ATP2B2: variants seen among roughly 807,000 people sequenced by gnomAD.
ATP2B2 encodes ATPase plasma membrane Ca2+ transporting 2, also known as plasma membrane calcium-transporting ATPase 2.
A neutral mutation model predicts 120.0 loss-of-function variants in ATP2B2; 15 were observed. The ratio of observed to expected loss-of-function variants is 0.12; its 90% CI spans 0.08 to 0.19. The LOEUF (loss-of-function observed/expected upper bound fraction) is 0.19. ATP2B2 is among the 10% of genes least tolerant of loss of function. The pLI, the probability that ATP2B2 is intolerant of heterozygous loss-of-function variation, is 1.00. For missense variants in ATP2B2, 1,045 were observed against 1,719.8 expected (o/e 0.61, Z 6.94); for synonymous variants, 694 against 700.3 (o/e 0.99, Z 0.14).
In ATP2B2 at chr3:10,329,178, T is replaced by C. The variant is rs1392946356; in HGVS notation, c.3421-53A>G. 8.0e-7 allele frequency: 1 copy of C among 1,243,594 alleles called. No homozygotes were observed. Among genetic ancestry groups the C allele is most frequent in the Non-Finnish European group, 1.1e-6 (1 of 894,934 alleles). The allele number at this position is 1,243,594 out of a possible 1,614,324, so 77.0% of individuals were successfully genotyped here. A position where few individuals can be genotyped will look rare whatever the true frequency, so the allele number is the denominator to read the frequency against. On this transcript the variant is annotated intron_variant, in intron 22 of 22. Coordinates refer to ENST00000360273, the MANE Select transcript of ATP2B2 (RefSeq NM_001001331.4). This position sits in a 1 kb window ranked among gnomAD's most constrained non-coding sequence, Gnocchi z 5.9. ...CACTGCCCAGGGACCACAGCCAGGC[T>C]CGGGGGGCTCACAGGAGGGGCGGGT...
At chr3:10,440,021 G>A (rs1421665945) in intron 2 of ATP2B2, among the ~76,000 whole-genome samples, 1 of 146,230 alleles carries the variant, frequency 6.8e-6, no homozygotes, top group Non-Finnish European at 1.5e-5. Context: ...GAGGATCACT[G>A]AGCCCAGGAG....
chr3:10,605,532 G>A (rs768376075), intron 2 of ATP2B2, among the ~76,000 whole-genome samples: 36 of 152,134 alleles, frequency 2.4e-4, no homozygotes, highest in Non-Finnish European at 4.0e-4. Flanking sequence ...CAGAGCTGGG[G>A]CTCCTTAGCT....
intron 1 of ATP2B2, among the ~76,000 whole-genome samples, chr3:10,488,267 AT>A: frequency 2.7e-5 from 4 of 145,634 alleles, no homozygotes; most frequent in Admixed American, 6.8e-5. Context: ...CCATCCATCC[AT>A]CCATCCATGC....
intron 1 of ATP2B2, among the ~76,000 whole-genome samples, chr3:10,476,887 C>A (rs1339699692): frequency 6.6e-6 from 1 of 152,192 alleles, no homozygotes; most frequent in Admixed American, 6.5e-5. Context: ...CTATGCCACA[C>A]CCTGGGGGTG....
At chr3:10,534,908 T>C (rs1210559412) in intron 2 of ATP2B2, among the ~76,000 whole-genome samples, 1 of 139,348 alleles carries the variant, frequency 7.2e-6, no homozygotes, top group Non-Finnish European at 1.6e-5. Flanking sequence ...GTTTTTTTTT[T>C]TTTTTTTTTT....
chr3:10,488,904 G>T (rs1320683210), intron 1 of ATP2B2, among the ~76,000 whole-genome samples: 1 of 152,042 alleles, frequency 6.6e-6, no homozygotes, highest in African/African-American at 2.4e-5. Flanking sequence ...GGCTCCTGTT[G>T]CTCCTGTCAT....
rs536173505 is a variant in ATP2B2 at position 10,596,068 on chromosome 3, C to T, written c.-415+23849G>A. Among the ~76,000 whole-genome samples the T allele has an allele frequency of 8.0e-4, 122 of 152,278 alleles. 1 individual carries two copies. The highest frequency in any genetic ancestry group is 2.7e-3 in the South Asian group (13 of 4,822). On this transcript the variant is annotated intron_variant, in intron 2 of 21. Transcript: ENST00000646379. ...CACTCAGCTCTCAGCTCAAAGGTCC[C>T]CTCTGCAGAGAGGCCCTCCCTGACT...
intron 2 of ATP2B2, among the ~76,000 whole-genome samples, chr3:10,564,301 C>T (rs773858247): frequency 6.6e-6 from 1 of 152,178 alleles, no homozygotes; most frequent in Non-Finnish European, 1.5e-5. Context: ...GCAACCAATT[C>T]CCTGCATTAA....
intron 2 of ATP2B2, among the ~76,000 whole-genome samples, chr3:10,418,453 G>C (rs1185398088): frequency 1.3e-5 from 2 of 152,168 alleles, no homozygotes; most frequent in African/African-American, 4.8e-5. Context: ...GCAGGGCAGG[G>C]TTCTGCTCTT....
intron 3 of ATP2B2, among the ~76,000 whole-genome samples, chr3:10,526,266 A>T (rs1025929622): frequency 2.6e-5 from 4 of 152,130 alleles, no homozygotes; most frequent in Admixed American, 2.6e-4. Flanking sequence ...AAGCCTGCAA[A>T]GACGGTGTGT....
chr3:10,568,881 C>T (rs1559463123), intron 2 of ATP2B2, among the ~76,000 whole-genome samples: 1 of 152,192 alleles, frequency 6.6e-6, no homozygotes, highest in Non-Finnish European at 1.5e-5. Context: ...GTTTGAACAA[C>T]AGACAGGCAA....
intron 3 of ATP2B2, among the ~76,000 whole-genome samples, chr3:10,512,462 G>A (rs1390296865): frequency 1.8e-5 from 1 of 55,834 alleles, no homozygotes; most frequent in South Asian, 7.3e-4. Flanking sequence ...TAAAGTGTGT[G>A]CGCACACACA....
In ATP2B2 at chr3:10,342,657, G is replaced by A; in HGVS notation, c.2917+95C>T. The A allele has an allele frequency of 6.9e-7, 1 of 1,442,846 alleles. No homozygotes were observed. Among genetic ancestry groups the A allele is most frequent in the Non-Finnish European group, 9.6e-7 (1 of 1,038,118 alleles). The allele number at this position is 1,442,846 out of a possible 1,614,324, so 89.4% of individuals were successfully genotyped here. The stretch of plus-strand genomic sequence containing the variant: ...CAATTTCCCCATTAGCAAAACAGGA[G>A]GGGGTTGTGACTCGAGAATGCTGGG... On this transcript the variant is annotated intron_variant, in intron 19 of 22. Transcript: ENST00000360273. The surrounding 1 kb of genome is among the most constrained non-coding windows in gnomAD (Gnocchi z 4.4).
upstream of ATP2B2, among the ~76,000 whole-genome samples, chr3:10,508,401 C>T (rs1395216516): frequency 1.3e-5 from 2 of 152,194 alleles, no homozygotes; most frequent in Admixed American, 6.5e-5. Context: ...ATGGTCTACA[C>T]GTCTGTCTCC....
At chr3:10,382,731 A>T (rs991475157) in intron 8 of ATP2B2, among the ~76,000 whole-genome samples, 6 of 152,172 alleles carry the variant, frequency 3.9e-5, no homozygotes, top group African/African-American at 1.4e-4. Flanking sequence ...CTAGTAATGT[A>T]AAAGAAAAAT....
chr3:10,648,793 G>A (rs112121163), intron 1 of ATP2B2, among the ~76,000 whole-genome samples: 2 of 152,220 alleles, frequency 1.3e-5, no homozygotes, highest in African/African-American at 2.4e-5. Flanking sequence ...TCCATCTCTG[G>A]TCTTTCCCAA....
intron 1 of ATP2B2, among the ~76,000 whole-genome samples, chr3:10,488,839 C>G (rs993390548): frequency 6.6e-6 from 1 of 152,076 alleles, no homozygotes; most frequent in Non-Finnish European, 1.5e-5. Flanking sequence ...TCACCCCCCA[C>G]AGTCTGTTTT....
At chr3:10,663,140 T>C (rs577593031) in intron 1 of ATP2B2, among the ~76,000 whole-genome samples, 6 of 151,476 alleles carry the variant, frequency 4.0e-5, no homozygotes, top group South Asian at 2.1e-4. Context: ...ATACCTAATG[T>C]AAATGACGAG....
chr3:10,563,585 G>A (rs964495528), intron 2 of ATP2B2, among the ~76,000 whole-genome samples: 17 of 152,210 alleles, frequency 1.1e-4, no homozygotes, highest in African/African-American at 1.9e-4. Flanking sequence ...TCCAGCTCCC[G>A]CTACTTGCAT....
Sources: gnomAD v4.1 joint callset for allele counts (sites outside exome capture counted in the v4.1 genomes callset) on GRCh38, gnomAD v4.1.1 for gene constraint, Gnocchi (gnomAD v3.1) non-coding constraint, MANE v1.5 for transcripts, NCBI Gene and HGNC (gene_info 2026-07-23, HGNC 2026-07-21) for gene names.